Variants in BBS9 observed in about 807,000 individuals in gnomAD.
The protein encoded by BBS9 is protein PTHB1.
A neutral mutation model predicts 117.7 loss-of-function variants in BBS9; 89 were observed. That is an observed-to-expected ratio of 0.76 (90% CI 0.64 to 0.90). BBS9 has a LOEUF of 0.90. Among genes scored for constraint, BBS9 ranks in the 40% least tolerant of loss-of-function variants. BBS9 has a pLI of 0.00. For synonymous variants in BBS9, 379 were observed against 370.9 expected (o/e 1.02, Z -0.25); for missense variants, 982 against 1,042.2 (o/e 0.94, Z 0.80).
At chr7:33,515,696 T>C (rs1239719938) in intron 20 of BBS9, among the ~76,000 whole-genome samples, 1 of 152,232 alleles carries the variant, frequency 6.6e-6, no homozygotes, top group Non-Finnish European at 1.5e-5. Context: ...CTGAGCTTAG[T>C]TGTATTGCTT....
chr7:33,591,015 G>T (rs1163619597), intron 21 of BBS9, among the ~76,000 whole-genome samples: 1 of 151,984 alleles, frequency 6.6e-6, no homozygotes, highest in Non-Finnish European at 1.5e-5. Context: ...TGAGTGAATG[G>T]GTTATGTTTT....
chr7:33,181,202 G>A (rs1444600207), intron 5 of BBS9, among the ~76,000 whole-genome samples: 1 of 152,192 alleles, frequency 6.6e-6, no homozygotes, highest in Admixed American at 6.5e-5. Flanking sequence ...CAGAGTGGAC[G>A]AAGTGCAAGA....
chr7:33,408,959 G>A (rs761886255), intron 19 of BBS9, among the ~76,000 whole-genome samples: 1 of 152,218 alleles, frequency 6.6e-6, no homozygotes, highest in Non-Finnish European at 1.5e-5. Context: ...CTGATGATTA[G>A]TGATGATGAA....
intron 19 of BBS9, among the ~76,000 whole-genome samples, chr7:33,461,517 A>G (rs1839465311): frequency 6.6e-6 from 1 of 151,788 alleles, no homozygotes; most frequent in Non-Finnish European, 1.5e-5. Context: ...ATCTCAGGAG[A>G]GTTTGTAAGA....
chr7:33,606,346 G>T (rs914685554), downstream of BBS9, among the ~76,000 whole-genome samples: 4 of 152,202 alleles, frequency 2.6e-5, no homozygotes, highest in African/African-American at 9.6e-5. Context: ...TTCTGAAAGA[G>T]CAACAGAAGG....
chr7:33,171,119 G>A (rs1454016506), intron 4 of BBS9, among the ~76,000 whole-genome samples: 1 of 151,990 alleles, frequency 6.6e-6, no homozygotes, highest in African/African-American at 2.4e-5. Flanking sequence ...AGTTCATATG[G>A]AATGAAAAAA....
At chr7:33,252,704 A>C (rs1490024710) in intron 5 of BBS9, among the ~76,000 whole-genome samples, 1 of 151,964 alleles carries the variant, frequency 6.6e-6, no homozygotes, top group African/African-American at 2.4e-5. Flanking sequence ...ACATGTTCTG[A>C]GCTTACAGTC....
At chr7:33,606,527 C>T (rs559532365), downstream of BBS9, among the ~76,000 whole-genome samples, 20 of 152,244 alleles carry the variant, frequency 1.3e-4, no homozygotes, top group Non-Finnish European at 2.1e-4. Context: ...ACTTATGGTA[C>T]GGCACAACTG....
chr7:33,165,085 T>G (rs1795454398), intron 4 of BBS9, among the ~76,000 whole-genome samples: 1 of 152,232 alleles, frequency 6.6e-6, no homozygotes, highest in South Asian at 2.1e-4. Flanking sequence ...CCTTCACTTA[T>G]TAAGCTTAGT....
At chr7:33,425,380 G>A (rs1460039049) in intron 19 of BBS9, among the ~76,000 whole-genome samples, 1 of 152,152 alleles carries the variant, frequency 6.6e-6, no homozygotes, top group Non-Finnish European at 1.5e-5. Flanking sequence ...GGGTACATAT[G>A]CAGGATGTGC....
At chr7:33,605,051 A>G (rs543595963) in intron 22 of BBS9, 76 bp downstream of exon 22, 20 of 1,481,474 alleles carry the variant, frequency 1.4e-5, no homozygotes, top group Non-Finnish European at 1.8e-5. Flanking sequence ...TTGTCATACC[A>G]GAGAGCATTC....
chr7:33,272,585 G>GCCA (rs1799982815), intron 7 of BBS9, among the ~76,000 whole-genome samples: 1 of 151,998 alleles, frequency 6.6e-6, no homozygotes, highest in Non-Finnish European at 1.5e-5. Flanking sequence ...AGAATATTCT[G>GCCA]CTATACTCTC....
chr7:33,581,294 C>T (rs138597534), intron 21 of BBS9, among the ~76,000 whole-genome samples: 2 of 151,970 alleles, frequency 1.3e-5, no homozygotes, highest in Admixed American at 6.6e-5. Flanking sequence ...TTCTCACTGG[C>T]GAAATGGAAG....
rs947843297 is a variant in BBS9 at position 33,404,281 on chromosome 7, G to A, written c.2115+16137G>A. On this transcript the variant is annotated intron_variant, in intron 19 of 22. Transcript: ENST00000242067. ...ATAGTTTGAAGTCAGGTAGCATGAT[G>A]CCTCCAGCTTTGTTCTTTTGGCTTA... Among the ~76,000 whole-genome samples the A allele has an allele frequency of 7.2e-5, 11 of 152,210 alleles. No homozygotes were observed. The South Asian group carries it at 2.1e-3, about 29-fold the overall frequency.
At chr7:33,167,651 A>C (rs1190122546) in intron 4 of BBS9, among the ~76,000 whole-genome samples, 2 of 152,076 alleles carry the variant, frequency 1.3e-5, no homozygotes, top group East Asian at 3.9e-4. Context: ...CACCCTCCTC[A>C]GCCTCCCAAA....
chr7:33,251,869 G>A (rs1302005789), intron 5 of BBS9, among the ~76,000 whole-genome samples: 1 of 152,164 alleles, frequency 6.6e-6, no homozygotes, highest in Non-Finnish European at 1.5e-5. Flanking sequence ...AATATATTAA[G>A]TGTTCTCCTC....
intron 20 of BBS9, among the ~76,000 whole-genome samples, chr7:33,515,698 G>C (rs184808627): frequency 2.3e-4 from 35 of 152,276 alleles, no homozygotes; most frequent in African/African-American, 7.7e-4. Flanking sequence ...GAGCTTAGTT[G>C]TATTGCTTGA....
At chr7:33,499,523 A>G (rs1010745227) in intron 19 of BBS9, among the ~76,000 whole-genome samples, 4 of 152,220 alleles carry the variant, frequency 2.6e-5, no homozygotes, top group Admixed American at 2.6e-4. Context: ...GGTTTATTGT[A>G]ATAAATTTCA....
intron 19 of BBS9, among the ~76,000 whole-genome samples, chr7:33,484,890 G>A (rs1968131): frequency 0.78 from 118,234 of 152,192 alleles, 46,750 homozygotes; most frequent in African/African-American, 0.93. Context: ...CATGGAATCA[G>A]CGCAAATGCC....
Sources: gnomAD v4.1 joint callset for allele counts (sites outside exome capture counted in the v4.1 genomes callset) on GRCh38, gnomAD v4.1.1 for gene constraint, MANE v1.5 for transcripts, NCBI Gene and HGNC (gene_info 2026-07-23, HGNC 2026-07-21) for gene names.